Variants in EFCC1 observed in about 807,000 individuals in gnomAD.
EFCC1 encodes EF-hand and coiled-coil domain containing 1.
Under a neutral mutation model 52.1 loss-of-function variants are expected in EFCC1, and 50 were observed. The ratio of observed to expected loss-of-function variants is 0.96; its 90% CI spans 0.76 to 1.21. EFCC1 has a LOEUF of 1.21. Ranked by LOEUF, EFCC1 falls within the 50% of genes most tolerant of loss-of-function variation. EFCC1 has a pLI of 0.00. For missense variants in EFCC1, 837 were observed against 867.3 expected (o/e 0.97, Z 0.44); for synonymous variants, 399 against 396.5 (o/e 1.01, Z -0.08).
chr3:129,022,858 C>T (rs1456217329), intron 2 of EFCC1, among the ~76,000 whole-genome samples: 15 of 152,286 alleles, frequency 9.8e-5, no homozygotes, highest in Non-Finnish European at 1.8e-4. Flanking sequence ...GTGGGAGTCG[C>T]GGGCCGGAAA....
Position 129,001,577 on chromosome 3 carries a change from G to A in EFCC1, c.-52G>A, listed in dbSNP as rs1383064679. On this transcript the variant is annotated 5_prime_UTR_variant, in exon 1 of 8. Coordinates refer to ENST00000683648, the MANE Select transcript of EFCC1 (RefSeq NM_001377500.1). Reference sequence around the variant, plus strand: ...CTCTGGGGCCGCCCCTGGAAGTGGCGGGGCGAAGGGACCGGAGGAGGGACC... The same window carrying A: ...CTCTGGGGCCGCCCCTGGAAGTGGCAGGGCGAAGGGACCGGAGGAGGGACC... 9.7e-6 allele frequency: 13 copies of A among 1,346,074 alleles called. No individual in the cohort carries two copies. Among genetic ancestry groups the A allele is most frequent in the Non-Finnish European group, 1.2e-5 (13 of 1,054,844 alleles). 83.4% of individuals were successfully genotyped at this position (1,346,074 alleles called of 1,614,324 possible).
At position 129,010,115 on chromosome 3, in the gene EFCC1, C is replaced by T. The variant is rs995491193; in HGVS notation, c.980+6038C>T. ...CTGTCCTCAAAACTGGAAGAAAGGG[C>T]GTAACGCCTGGGACTTCAGCACAAG... On this transcript the variant is annotated intron_variant, in intron 2 of 7. Transcript: ENST00000683648. The surrounding 1 kb of genome is among the most constrained non-coding windows in gnomAD (Gnocchi z 4.3). Among the ~76,000 whole-genome samples, 15 of 152,354 alleles carry T rather than the reference C, an allele frequency of 9.8e-5. No homozygotes were observed. Among genetic ancestry groups the T allele is most frequent in the Admixed American group, 9.1e-4 (14 of 15,310 alleles).
Position 129,001,950 on chromosome 3 carries a change from G to A in EFCC1, c.322G>A (p.Val108Met), listed in dbSNP as rs1364998270. ...AGCAGGTGACGGGAACTCCAGAGAT[G>A]TGACCCCCGGGGATGCGGCCGCTGA... ...QAAGDGNSRD[V>M]TPGDAAAELA... Residue 108 changes from valine (V) to methionine (M), a missense_variant, in exon 1 of 8, where the codon GTG becomes ATG. Transcript: ENST00000683648. 2 of 1,543,864 alleles carry A rather than the reference G, an allele frequency of 1.3e-6. No individual in the cohort carries two copies. The highest frequency in any genetic ancestry group is 1.7e-6 in the Non-Finnish European group (2 of 1,144,074).
At position 129,039,829 on chromosome 3, in the gene EFCC1, CCCT is replaced by C. The variant is rs1206277457; in HGVS notation, c.1786_1788del (p.Leu596del). On this transcript the variant is annotated inframe_deletion, in exon 8 of 8. Transcript: ENST00000683648. ...TCTGCAGCAGCTGCGCTCACCAACCCCCTCCTCGTCTCCTGCTGAGGTTACTGG... is the reference window on the plus strand; with the variant it reads ...TCTGCAGCAGCTGCGCTCACCAACCCCCTCGTCTCCTGCTGAGGTTACTGG... The C allele has an allele frequency of 2.5e-6, 4 of 1,608,734 alleles. No individual in the cohort carries two copies. In the African/African-American group the frequency reaches 4.0e-5, roughly 16 times the overall value.
chr3:129,037,526 T>A (rs1245919494), intron 6 of EFCC1, among the ~76,000 whole-genome samples: 1 of 152,198 alleles, frequency 6.6e-6, no homozygotes, highest in Admixed American at 6.5e-5. Flanking sequence ...AATTCAAGGA[T>A]GATTCCACAT....
Position 129,002,198 on chromosome 3 carries a change from C to G in EFCC1, c.570C>G (p.Gly190=). 1.3e-6 allele frequency: 2 copies of G among 1,509,964 alleles called. No homozygotes were observed. Among genetic ancestry groups the G allele is most frequent in the Non-Finnish European group, 1.8e-6 (2 of 1,136,522 alleles). 93.5% of individuals were successfully genotyped at this position (1,509,964 alleles called of 1,614,324 possible). ...RRRRRPPCAP[G]PDSGPDCERV... is the part of the protein sequence containing the mutation. ...GCCGCCGCCCGCCCTGCGCGCCTGG[C>G]CCCGACAGCGGTCCTGACTGTGAGC... Residue 190 remains glycine, a synonymous_variant, in exon 1 of 8, where the codon GGC becomes GGG. Coordinates refer to ENST00000683648, the MANE Select transcript of EFCC1 (RefSeq NM_001377500.1).
At chr3:129,030,991 GC>G (rs1946261052) in intron 3 of EFCC1, 131 bp downstream of exon 3, 1 of 1,250,980 alleles carries the variant, frequency 8.0e-7, no homozygotes, top group African/African-American at 1.5e-5. Flanking sequence ...CCCACCAGGT[GC>G]TCAGGCTGGG....
At chr3:129,018,873 G>A (rs943497060) in intron 2 of EFCC1, among the ~76,000 whole-genome samples, 16 of 152,156 alleles carry the variant, frequency 1.1e-4, no homozygotes, top group African/African-American at 3.6e-4. Flanking sequence ...CCCACTCGGC[G>A]CTGGAGTTCC....
rs73865538 is a variant in EFCC1 at position 129,012,594 on chromosome 3, C to T, written c.980+8517C>T. 4.8e-3 allele frequency among the ~76,000 whole-genome samples: 728 copies of T among 152,300 alleles called. 6 individuals carry two copies. The highest frequency in any genetic ancestry group is 0.017 in the African/African-American group (705 of 41,550). On this transcript the variant is annotated intron_variant, in intron 2 of 7. Transcript: ENST00000683648. The stretch of plus-strand genomic sequence containing the variant: ...GGATTGGCCCAGCCTGGGTCACAGC[C>T]CCACCTCCAGGCCGAGACCAGGACC...
At chr3:129,015,103 G>A (rs774857911) in intron 2 of EFCC1, among the ~76,000 whole-genome samples, 1 of 152,086 alleles carries the variant, frequency 6.6e-6, no homozygotes, top group Non-Finnish European at 1.5e-5. Flanking sequence ...CCTCGGGCTC[G>A]CCCACTCACA....
intron 2 of EFCC1, among the ~76,000 whole-genome samples, chr3:129,006,312 T>A (rs942442100): frequency 6.6e-6 from 1 of 152,144 alleles, no homozygotes; most frequent in Non-Finnish European, 1.5e-5. Context: ...TGGAGTTCTG[T>A]TTTTTGTTCG....
intron 2 of EFCC1, among the ~76,000 whole-genome samples, chr3:129,012,781 T>G (rs1945386223): frequency 6.6e-6 from 1 of 152,176 alleles, no homozygotes; most frequent in South Asian, 2.1e-4. Flanking sequence ...AAACAATCAA[T>G]GTCCACCTCA....
intron 2 of EFCC1, 130 bp downstream of exon 2, chr3:129,004,207 T>G: frequency 8.6e-7 from 1 of 1,165,340 alleles, no homozygotes; most frequent in Non-Finnish European, 1.1e-6. Context: ...ATTCATGTAT[T>G]CTTTCATTCC....
chr3:129,004,178 G>T (rs1246609502), intron 2 of EFCC1, 101 bp downstream of exon 2: 3 of 1,291,270 alleles, frequency 2.3e-6, no homozygotes, highest in Non-Finnish European at 3.0e-6. Flanking sequence ...CTCGTGTTCC[G>T]CAGTTTCTCC....
At chr3:129,029,783 C>T (rs572902373) in intron 2 of EFCC1, among the ~76,000 whole-genome samples, 41 of 151,526 alleles carry the variant, frequency 2.7e-4, no homozygotes, top group Non-Finnish European at 5.2e-4. Context: ...CAGGGTTTCA[C>T]CATGTTGGCC....
intron 2 of EFCC1, among the ~76,000 whole-genome samples, chr3:129,015,613 T>G (rs1470149104): frequency 6.6e-6 from 1 of 151,622 alleles, no homozygotes; most frequent in Non-Finnish European, 1.5e-5. Context: ...TGTCCGTGTC[T>G]GCTCGCACAC....
At chr3:129,026,008 G>A (rs960981861) in intron 2 of EFCC1, among the ~76,000 whole-genome samples, 2 of 152,228 alleles carry the variant, frequency 1.3e-5, no homozygotes, top group Non-Finnish European at 2.9e-5. Flanking sequence ...CACCTCTCCC[G>A]CGGTGCGGCT....
At chr3:129,030,442 G>A in intron 2 of EFCC1, 1 of 314,980 alleles carries the variant, frequency 3.2e-6, no homozygotes. Context: ...TCTTTTCCTA[G>A]AGGTTTTTTT....
chr3:129,029,219 C>A (rs1449215009), intron 2 of EFCC1, among the ~76,000 whole-genome samples: 13 of 152,104 alleles, frequency 8.5e-5, no homozygotes, highest in Admixed American at 8.5e-4. Flanking sequence ...TATAAAGTGG[C>A]CAGTTTAATA....
Sources: gnomAD v4.1 joint callset for allele counts (sites outside exome capture counted in the v4.1 genomes callset) on GRCh38, gnomAD v4.1.1 for gene constraint, Gnocchi (gnomAD v3.1) non-coding constraint, MANE v1.5 for transcripts, NCBI Gene and HGNC (gene_info 2026-07-23, HGNC 2026-07-21) for gene names.